Variants in IFT81 observed in about 807,000 individuals in gnomAD.
The protein encoded by IFT81 is intraflagellar transport 81, also known as intraflagellar transport protein 81 homolog.
Under a neutral mutation model 102.6 loss-of-function variants are expected in IFT81, and 72 were observed. That is an observed-to-expected ratio of 0.70 (90% CI 0.58 to 0.85). IFT81 has a LOEUF of 0.85. IFT81 is among the 40% of genes least tolerant of loss of function. The probability of loss-of-function intolerance (pLI) is 0.00; values close to 1 mark genes in which losing one functional copy is unlikely to be tolerated. For synonymous variants in IFT81, 237 were observed against 242.7 expected (o/e 0.98, Z 0.22); for missense variants, 723 against 787.3 (o/e 0.92, Z 0.98).
chr12:110,128,985 A>T lies in IFT81; in HGVS notation c.284A>T (p.Lys95Ile), dbSNP rs762894275. 1.2e-6 allele frequency: 2 copies of T among 1,613,584 alleles called. No individual in the cohort carries two copies. The change falls in exon 4 of 19, where the codon AAA becomes ATA. Residue 95 changes from lysine to isoleucine, a missense_variant. Physicochemically the swap from Lys to Ile is moderately radical, Grantham distance 102. Coordinates refer to ENST00000242591, the MANE Select transcript of IFT81 (RefSeq NM_014055.4). The part of the protein sequence containing the change: ...TFRQGLVIGS[K>I]PVIYPVLHWL... ...CGTCAGGGTTTGGTGATTGGAAGTAAACCTGTAATTTACCCAGTGCTCCAC... is the reference window on the plus strand; with the variant it reads ...CGTCAGGGTTTGGTGATTGGAAGTATACCTGTAATTTACCCAGTGCTCCAC...
chr12:110,184,090 C>G (rs1198867656), intron 12 of IFT81, among the ~76,000 whole-genome samples: 5 of 152,196 alleles, frequency 3.3e-5, no homozygotes, highest in Admixed American at 6.5e-5. Context: ...GTGGCTCACG[C>G]CTGTAATCCC....
Position 110,191,025 on chromosome 12 carries a change from A to G in IFT81, c.1444A>G (p.Thr482Ala), listed in dbSNP as rs1197853482. 2 of 1,608,498 alleles carry G rather than the reference A, an allele frequency of 1.2e-6. No individual in the cohort carries two copies. The highest frequency in any genetic ancestry group is 1.7e-6 in the Non-Finnish European group (2 of 1,178,092). The change falls in exon 13 of 19, where the codon ACA becomes GCA. Residue 482 changes from threonine to alanine, a missense_variant. Physicochemically the swap from Thr to Ala is moderately conservative, Grantham distance 58 (BLOSUM62 0). Coordinates refer to ENST00000242591, the MANE Select transcript of IFT81 (RefSeq NM_014055.4). The stretch of plus-strand genomic sequence containing the variant: ...TGAAGTTGATGAAATGAAAGGACGA[A>G]CATTGGATGATATGTCTGAAATGGT... Reference protein sequence around the residue: ...KSEVDEMKGRTLDDMSEMVKK... With the variant: ...KSEVDEMKGRALDDMSEMVKK...
At chr12:110,151,902 C>A (rs1195084725) in intron 10 of IFT81, among the ~76,000 whole-genome samples, 1 of 152,118 alleles carries the variant, frequency 6.6e-6, no homozygotes, top group Non-Finnish European at 1.5e-5. Flanking sequence ...TGAGATCATG[C>A]ACTATTTGTC....
At position 110,211,175 on chromosome 12, in the gene IFT81, C is replaced by CTT. The variant is rs796140785; in HGVS notation, c.1848+1979_1848+1980dup. On this transcript the variant is annotated intron_variant, in intron 18 of 18. Transcript: ENST00000242591. ...ACACCTGGACTTCGTATTAGGCTTT[C>CTT]TTTTTTTTTTTTTTTTTTTTTGGCA... 2.1e-3 allele frequency among the ~76,000 whole-genome samples: 210 copies of CTT among 102,194 alleles called. 4 individuals are homozygous for CTT. Among genetic ancestry groups the CTT allele is most frequent in the African/African-American group, 4.5e-3 (127 of 28,062 alleles). 67.0% of individuals were successfully genotyped at this position (102,194 alleles called of 152,430 possible). A position where few individuals can be genotyped will look rare whatever the true frequency, so the allele number is the denominator to read the frequency against.
intron 10 of IFT81, chr12:110,162,290 A>C (rs866211354): frequency 6.8e-6 from 1 of 147,216 alleles, no homozygotes; most frequent in Admixed American, 6.8e-5. Context: ...ATGTATTTTC[A>C]TTAGCATTTG....
chr12:110,214,196 A>G (rs1233154389), intron 18 of IFT81, among the ~76,000 whole-genome samples: 1 of 152,152 alleles, frequency 6.6e-6, no homozygotes, highest in African/African-American at 2.4e-5. Flanking sequence ...GAATCAAATT[A>G]TAAACATTCA....
At chr12:110,204,839 A>C (rs1036452676) in intron 15 of IFT81, 3 of 152,318 alleles carry the variant, frequency 2.0e-5, no homozygotes, top group African/African-American at 7.2e-5. Context: ...TTCCTTGTTT[A>C]TGTTGGTTTC....
chr12:110,127,793 AAGTT>A (rs1350155535), intron 2 of IFT81, among the ~76,000 whole-genome samples: 12 of 152,220 alleles, frequency 7.9e-5, no homozygotes, highest in African/African-American at 2.9e-4. Context: ...ATTGTATTGC[AAGTT>A]AGTTCATGTC....
Position 110,180,289 on chromosome 12 carries a change from G to A in IFT81, c.1189-133G>A, listed in dbSNP as rs186967005. The A allele has an allele frequency of 2.4e-3, 629 of 265,560 alleles. 3 individuals carry two copies. The highest frequency in any genetic ancestry group is 3.3e-3 in the Non-Finnish European group (477 of 145,732). 16.5% of individuals were successfully genotyped at this position (265,560 alleles called of 1,614,324 possible). On this transcript the variant is annotated intron_variant, in intron 11 of 18. Transcript: ENST00000242591. Reference sequence around the variant, plus strand: ...ATTATATAAAGTTTTCTAATAAAACGAAATTATTATATACGTGTGACATGT... The same window carrying A: ...ATTATATAAAGTTTTCTAATAAAACAAAATTATTATATACGTGTGACATGT...
At chr12:110,186,513 G>C (rs529579735) in intron 12 of IFT81, among the ~76,000 whole-genome samples, 1 of 151,296 alleles carries the variant, frequency 6.6e-6, no homozygotes, top group South Asian at 2.1e-4. Context: ...TTATTTGTTT[G>C]TTTTTGTTTT....
chr12:110,162,775 A>T, intron 10 of IFT81, 144 bp from the exon 11 acceptor site: 2 of 617,856 alleles, frequency 3.2e-6, no homozygotes, highest in East Asian at 2.8e-5. Context: ...GATGATGAGT[A>T]GTAGGGCAAG....
At position 110,127,414 on chromosome 12, in the gene IFT81, C is replaced by G; in HGVS notation, c.34C>G (p.Leu12Val). The G allele has an allele frequency of 6.2e-7, 1 of 1,602,544 alleles. No homozygotes were observed. Among genetic ancestry groups the G allele is most frequent in the Non-Finnish European group, 8.5e-7 (1 of 1,175,158 alleles). The change falls in exon 2 of 19, where the codon CTC becomes GTC. Residue 12 changes from leucine (L) to valine (V), a missense_variant. Transcript: ENST00000242591. ...SDQIKFIMDS[L>V]NKEPFRKNYN... ...TCAAATTAAATTCATTATGGACAGT[C>G]TCAATAAGGAGCCCTTTAGGAAGAA...
intron 11 of IFT81, among the ~76,000 whole-genome samples, chr12:110,175,517 G>A (rs1488156633): frequency 1.3e-5 from 2 of 152,064 alleles, no homozygotes; most frequent in South Asian, 2.1e-4. Context: ...ATTTGATCTC[G>A]GTATTTTCGT....
At chr12:110,145,028 ATTTTTTTTTT>A (rs753990394) in intron 9 of IFT81, among the ~76,000 whole-genome samples, 1 of 111,036 alleles carries the variant, frequency 9.0e-6, no homozygotes, top group South Asian at 2.8e-4. Context: ...ACTATGCCTA[ATTTTTTTTTT>A]TTTTTTTTTT....
intron 10 of IFT81, among the ~76,000 whole-genome samples, chr12:110,156,458 T>C (rs1197946676): frequency 7.2e-5 from 11 of 152,064 alleles, no homozygotes; most frequent in Non-Finnish European, 7.4e-5. Context: ...TATCTGGGAA[T>C]GTAGCTTTTG....
chr12:110,175,956 AATCT>A (rs772521843), intron 11 of IFT81, among the ~76,000 whole-genome samples: 39 of 152,212 alleles, frequency 2.6e-4, no homozygotes, highest in African/African-American at 7.9e-4. Flanking sequence ...CAATTTAAAT[AATCT>A]ATCAACTACT....
Position 110,182,976 on chromosome 12 carries a change from A to C in IFT81, c.1338+2405A>C, listed in dbSNP as rs142870189. ...CGGTTTAAGGTGTACACCCCATCCT[A>C]AAGGTAGAACTCATTTTCATAGGCC... On this transcript the variant is annotated intron_variant, in intron 12 of 18. Transcript: ENST00000242591. Among the ~76,000 whole-genome samples the C allele has an allele frequency of 1.2e-3, 186 of 152,312 alleles. 1 individual carries two copies. Among genetic ancestry groups the C allele is most frequent in the Middle Eastern group, 6.8e-3 (2 of 294 alleles).
chr12:110,203,454 T>C (rs1033545940), intron 14 of IFT81: 1 of 179,728 alleles, frequency 5.6e-6, no homozygotes, highest in African/African-American at 2.4e-5. Context: ...AGCTTAGATA[T>C]CAATTTCTCC....
chr12:110,158,134 G>T (rs1017666884), intron 10 of IFT81, among the ~76,000 whole-genome samples: 4 of 151,984 alleles, frequency 2.6e-5, no homozygotes, highest in African/African-American at 9.7e-5. Flanking sequence ...GCAGTGGCAT[G>T]ATCTCAACTC....
Sources: gnomAD v4.1 joint callset for allele counts (sites outside exome capture counted in the v4.1 genomes callset) on GRCh38, gnomAD v4.1.1 for gene constraint, MANE v1.5 for transcripts, NCBI Gene and HGNC (gene_info 2026-07-23, HGNC 2026-07-21) for gene names.